Variants in SERTAD1 observed in about 807,000 individuals in gnomAD.
The protein encoded by SERTAD1 is SERTA domain-containing protein 1.
A neutral mutation model predicts 11.7 loss-of-function variants in SERTAD1; 5 were observed. The observed-to-expected ratio is 0.43, with a 90% CI of 0.22 to 0.90. The LOEUF (loss-of-function observed/expected upper bound fraction) is 0.90. Ranked by LOEUF, SERTAD1 falls within the 40% of genes least tolerant of loss-of-function variation. The probability of loss-of-function intolerance (pLI) is 0.27; values close to 1 mark genes in which losing one functional copy is unlikely to be tolerated. For missense variants in SERTAD1, 287 were observed against 313.9 expected (o/e 0.91, Z 0.65); for synonymous variants, 139 against 141.4 (o/e 0.98, Z 0.12).
At chr19:40,425,375 G>T (rs1306714153) in intron 1 of SERTAD1, among the ~76,000 whole-genome samples, 1 of 152,166 alleles carries the variant, frequency 6.6e-6, no homozygotes, top group Non-Finnish European at 1.5e-5. Flanking sequence ...CCCGCAGTCC[G>T]GGGAGTCCGG....
rs938703491 is a variant in SERTAD1, at chr19:40,422,611, C to A, written c.*225G>T. ...ACCCCAGGGCCAGGGAATTCAGTCC[C>A]CACCAGACCCTGTCATTCCATCACT... On this transcript the variant is annotated 3_prime_UTR_variant, in exon 2 of 2. Transcript: ENST00000357949. 5 of 552,318 alleles carry A rather than the reference C, an allele frequency of 9.1e-6. No individual in the cohort carries two copies. Among genetic ancestry groups the A allele is most frequent in the Non-Finnish European group, 1.3e-5 (4 of 316,148 alleles). The allele number at this position is 552,318 out of a possible 1,614,324, so 34.2% of individuals were successfully genotyped here.
rs529683769 is a variant in SERTAD1 at position 40,422,823 on chromosome 19, C to A, written c.*13G>T. The A allele has an allele frequency of 1.4e-5, 22 of 1,576,606 alleles. No individual in the cohort carries two copies. The South Asian group carries it at 2.5e-4, about 18-fold the overall frequency. On this transcript the variant is annotated 3_prime_UTR_variant, in exon 2 of 2. Transcript: ENST00000357949. ...TCAGTTCAGATACCAGACAACCATT[C>A]CAGCACGAGGGCTCAGCGCCCTGGC...
intron 1 of SERTAD1, among the ~76,000 whole-genome samples, chr19:40,423,887 C>T (rs530193532): frequency 7.9e-5 from 12 of 152,042 alleles, no homozygotes; most frequent in Middle Eastern, 3.4e-3. Context: ...CCACCACACC[C>T]GGCTAATTTT....
intron 1 of SERTAD1, among the ~76,000 whole-genome samples, chr19:40,425,565 CT>C (rs1349934794): frequency 6.6e-6 from 1 of 152,196 alleles, no homozygotes; most frequent in African/African-American, 2.4e-5. Context: ...GCCGGGACCC[CT>C]GGCGGGCTGT....
intron 1 of SERTAD1, among the ~76,000 whole-genome samples, chr19:40,425,222 G>C (rs568899322): frequency 1.3e-5 from 2 of 152,248 alleles, no homozygotes; most frequent in African/African-American, 4.8e-5. Flanking sequence ...TGGAGTGGCG[G>C]GGGTAGGGCT....
chr19:40,422,576 C>T lies in SERTAD1; in HGVS notation c.*260G>A. 1 of 444,622 alleles carries T rather than the reference C, an allele frequency of 2.2e-6. No individual in the cohort carries two copies. Among genetic ancestry groups the T allele is most frequent in the East Asian group, 3.4e-5 (1 of 29,202 alleles). The allele number at this position is 444,622 out of a possible 1,614,324, so 27.5% of individuals were successfully genotyped here. A position where few individuals can be genotyped will look rare whatever the true frequency, so the allele number is the denominator to read the frequency against. On this transcript the variant is annotated 3_prime_UTR_variant, in exon 2 of 2. Coordinates refer to ENST00000357949, the MANE Select transcript of SERTAD1 (RefSeq NM_013376.4). ...CTTCCCGTATCAGAGAAGGAACAGC[C>T]CAAGCTATGACCCCAGGGCCAGGGA... is the stretch of plus-strand genomic sequence containing the variant.
At chr19:40,424,126 G>A (rs2079608403) in intron 1 of SERTAD1, among the ~76,000 whole-genome samples, 1 of 151,796 alleles carries the variant, frequency 6.6e-6, no homozygotes, top group Middle Eastern at 3.2e-3. Flanking sequence ...GCCCAGGCTG[G>A]TCTCAAACTC....
chr19:40,424,023 T>G (rs2079608132), intron 1 of SERTAD1, among the ~76,000 whole-genome samples: 1 of 152,274 alleles, frequency 6.6e-6, no homozygotes, highest in East Asian at 1.9e-4. Context: ...CCACCGCGCC[T>G]GGCCTATAGA....
intron 1 of SERTAD1, 90 bp downstream of exon 1, chr19:40,425,777 G>T (rs1181224366): frequency 1.3e-5 from 2 of 152,250 alleles, no homozygotes; most frequent in Admixed American, 6.5e-5. Flanking sequence ...GGGCAGCCCC[G>T]GCGGGCACCT....
Position 40,422,306 on chromosome 19 carries a change from T to A in SERTAD1, c.*530A>T, listed in dbSNP as rs2079601016. On this transcript the variant is annotated 3_prime_UTR_variant, in exon 2 of 2. Coordinates refer to ENST00000357949, the MANE Select transcript of SERTAD1 (RefSeq NM_013376.4). ...ATTTAAAACCCACCTCAAGTGATAA[T>A]CTTGGAACCTTGGTTTTCTCACCTG... The A allele has an allele frequency of 6.6e-6, 1 of 150,744 alleles. No individual in the cohort carries two copies. Among genetic ancestry groups the A allele is most frequent in the Non-Finnish European group, 1.5e-5 (1 of 67,932 alleles). The allele number at this position is 150,744 out of a possible 1,614,324, so 9.3% of individuals were successfully genotyped here. A position where few individuals can be genotyped will look rare whatever the true frequency, so the allele number is the denominator to read the frequency against.
At position 40,423,355 on chromosome 19, in the gene SERTAD1, C is replaced by T. The variant is rs1221888423; in HGVS notation, c.192G>A (p.Leu64=). The change falls in exon 2 of 2, where the codon CTG becomes CTA. Residue 64 remains leucine (L), a synonymous_variant. Transcript: ENST00000357949. ...HHSLQQSEPD[L]RHLVLVVNTL... is the part of the protein sequence containing the mutation. ...TGTTCACGACCAGCACCAGGTGCCG[C>T]AGGTCCGGCTCACTCTGCTGCAGGC... The T allele has an allele frequency of 1.2e-6, 2 of 1,613,364 alleles. No homozygotes were observed. The highest frequency in any genetic ancestry group is 1.7e-6 in the Non-Finnish European group (2 of 1,179,950).
intron 1 of SERTAD1, among the ~76,000 whole-genome samples, chr19:40,424,024 G>A (rs1294766543): frequency 1.3e-5 from 2 of 151,866 alleles, no homozygotes; most frequent in African/African-American, 2.4e-5. Flanking sequence ...CACCGCGCCT[G>A]GCCTATAGAC....
chr19:40,423,064 G>A lies in SERTAD1; in HGVS notation c.483C>T (p.Ala161=). The change falls in exon 2 of 2, where the codon GCC becomes GCT. Residue 161 remains alanine, a synonymous_variant. Transcript: ENST00000357949. ...GCCCATCGTCCAGTAGACAGCCAGT[G>A]GCTGGGCCCAGCAGGTCCAAGGCAC... The part of the protein sequence containing the change: ...SLGALDLLGP[A]TGCLLDDGLE... The A allele has an allele frequency of 5.1e-6, 8 of 1,581,894 alleles. No individual in the cohort carries two copies. Among genetic ancestry groups the A allele is most frequent in the Non-Finnish European group, 6.9e-6 (8 of 1,164,026 alleles).
chr19:40,422,684 G>A lies in SERTAD1; in HGVS notation c.*152C>T, dbSNP rs1189153282. Reference sequence around the variant, plus strand: ...CTGCCAGCCCTGAGACAGGAGGACGGATGTGAAGTTGCCCAGGACTAGATT... The same window carrying A: ...CTGCCAGCCCTGAGACAGGAGGACGAATGTGAAGTTGCCCAGGACTAGATT... On this transcript the variant is annotated 3_prime_UTR_variant, in exon 2 of 2. Transcript: ENST00000357949. 2.6e-6 allele frequency: 2 copies of A among 781,480 alleles called. No individual in the cohort carries two copies. Among genetic ancestry groups the A allele is most frequent in the African/African-American group, 1.8e-5 (1 of 57,020 alleles). 48.4% of individuals were successfully genotyped at this position (781,480 alleles called of 1,614,324 possible). A position where few individuals can be genotyped will look rare whatever the true frequency, so the allele number is the denominator to read the frequency against.
At chr19:40,425,453 G>C (rs1033676721) in intron 1 of SERTAD1, among the ~76,000 whole-genome samples, 1 of 152,082 alleles carries the variant, frequency 6.6e-6, no homozygotes, top group Non-Finnish European at 1.5e-5. Flanking sequence ...GCGGTGCCCA[G>C]GCCGGCTTTC....
At chr19:40,424,317 G>A (rs189096458) in intron 1 of SERTAD1, among the ~76,000 whole-genome samples, 4 of 152,064 alleles carry the variant, frequency 2.6e-5, no homozygotes, top group Admixed American at 2.6e-4. Flanking sequence ...GCCTCACCCT[G>A]CCAATAAGTA....
intron 1 of SERTAD1, among the ~76,000 whole-genome samples, chr19:40,424,540 G>C (rs1445908892): frequency 6.6e-6 from 1 of 152,100 alleles, no homozygotes; most frequent in African/African-American, 2.4e-5. Context: ...AATAAATAAG[G>C]AAACACAGGA....
rs1483014251 is a variant in SERTAD1 at position 40,422,223 on chromosome 19, T to C, written c.*613A>G. 2 of 150,424 alleles carry C rather than the reference T, an allele frequency of 1.3e-5. No homozygotes were observed. The highest frequency in any genetic ancestry group is 2.5e-5 in the African/African-American group (1 of 40,782). 9.3% of individuals were successfully genotyped at this position (150,424 alleles called of 1,614,324 possible). A position where few individuals can be genotyped will look rare whatever the true frequency, so the allele number is the denominator to read the frequency against. ...GTGAGCCATGATCAGACCACTGTAC[T>C]TCAACCTGGGTGACAGAGCGAGACC... On this transcript the variant is annotated 3_prime_UTR_variant, in exon 2 of 2. Transcript: ENST00000357949.
chr19:40,422,406 T>G lies in SERTAD1; in HGVS notation c.*430A>C, dbSNP rs963137573. Reference sequence around the variant, plus strand: ...AAATGAGTTAACACAGTGACGTGCTTAGAAACTGTGCCTCGTACACAGCCT... The same window carrying G: ...AAATGAGTTAACACAGTGACGTGCTGAGAAACTGTGCCTCGTACACAGCCT... On this transcript the variant is annotated 3_prime_UTR_variant, in exon 2 of 2. Coordinates refer to ENST00000357949, the MANE Select transcript of SERTAD1 (RefSeq NM_013376.4). The G allele has an allele frequency of 5.9e-6, 1 of 170,134 alleles. No individual in the cohort carries two copies. Among genetic ancestry groups the G allele is most frequent in the Non-Finnish European group, 1.2e-5 (1 of 80,484 alleles). 10.5% of individuals were successfully genotyped at this position (170,134 alleles called of 1,614,324 possible). A position where few individuals can be genotyped will look rare whatever the true frequency, so the allele number is the denominator to read the frequency against.
Sources: gnomAD v4.1 joint callset for allele counts (sites outside exome capture counted in the v4.1 genomes callset) on GRCh38, gnomAD v4.1.1 for gene constraint, MANE v1.5 for transcripts, NCBI Gene and HGNC (gene_info 2026-07-23, HGNC 2026-07-21) for gene names.